Variants in UST observed in about 807,000 individuals in gnomAD.
UST encodes the protein uronyl 2-sulfotransferase, also known as chondroitin sulfate 2-O-sulfotransferase.
UST carries 21 observed loss-of-function variants against 45.6 expected under a neutral mutation model. The ratio of observed to expected loss-of-function variants is 0.46; its 90% CI spans 0.33 to 0.66. UST has a LOEUF of 0.66. UST is among the 30% of genes least tolerant of loss of function. The probability of loss-of-function intolerance (pLI) is 0.02; values close to 1 mark genes in which losing one functional copy is unlikely to be tolerated. For synonymous variants in UST, 215 were observed against 200.6 expected, an observed-to-expected ratio of 1.07 and a Z score of -0.61; for missense variants, 463 against 512.4, an observed-to-expected ratio of 0.90 and a Z score of 0.93.
intron 2 of UST, among the ~76,000 whole-genome samples, chr6:148,905,840 G>A (rs77134254): frequency 0.045 from 6,894 of 152,250 alleles, 219 homozygotes; most frequent in Non-Finnish European, 0.065. Flanking sequence ...AAACTGCAAA[G>A]CACTTAGAAT....
intron 1 of UST, among the ~76,000 whole-genome samples, chr6:148,806,813 T>A (rs1777158793): frequency 6.6e-6 from 1 of 152,026 alleles, no homozygotes; most frequent in South Asian, 2.1e-4. Context: ...TGCAAGTGCA[T>A]GAGATAGAGA....
At chr6:148,832,774 T>C (rs1351441794) in intron 1 of UST, among the ~76,000 whole-genome samples, 1 of 152,202 alleles carries the variant, frequency 6.6e-6, no homozygotes, top group East Asian at 1.9e-4. Flanking sequence ...TCAGTTTCTA[T>C]TTGGAGCTCG....
intron 1 of UST, among the ~76,000 whole-genome samples, chr6:148,859,779 G>C (rs1270249066): frequency 6.6e-6 from 1 of 152,174 alleles, no homozygotes; most frequent in African/African-American, 2.4e-5. Context: ...GTTTTTGTCA[G>C]GTTTGTCAAA....
intron 2 of UST, among the ~76,000 whole-genome samples, chr6:148,899,369 G>A (rs935444390): frequency 6.6e-6 from 1 of 152,088 alleles, no homozygotes; most frequent in Non-Finnish European, 1.5e-5. Flanking sequence ...AAAGTGCTGG[G>A]ATTACAGGCG....
At chr6:148,856,476 G>A (rs1474984196) in intron 1 of UST, among the ~76,000 whole-genome samples, 3 of 152,158 alleles carry the variant, frequency 2.0e-5, no homozygotes, top group African/African-American at 4.8e-5. Context: ...CCTATTCATC[G>A]GAGACAGCCA....
At position 148,747,239 on chromosome 6, in the gene UST, G is replaced by C; in HGVS notation, c.-192G>C. 1.7e-6 allele frequency: 1 copy of C among 585,756 alleles called. No homozygotes were observed. The highest frequency in any genetic ancestry group is 2.5e-6 in the Non-Finnish European group (1 of 402,020). The allele number at this position is 585,756 out of a possible 1,614,324, so 36.3% of individuals were successfully genotyped here. Reference sequence around the variant, plus strand: ...CCGGGGCCGGACACCTCGGCCGCTCGGGCCGCGGCGGCGGGGACCATGCCG... The same window carrying C: ...CCGGGGCCGGACACCTCGGCCGCTCCGGCCGCGGCGGCGGGGACCATGCCG... On this transcript the variant is annotated 5_prime_UTR_variant, in exon 1 of 8. Coordinates refer to ENST00000367463, the MANE Select transcript of UST (RefSeq NM_005715.3).
chr6:149,042,598 T>A (rs1467837622), intron 7 of UST, among the ~76,000 whole-genome samples: 1 of 152,158 alleles, frequency 6.6e-6, no homozygotes, highest in African/African-American at 2.4e-5. Flanking sequence ...TCATTCATGG[T>A]GGATGTCCAG....
At chr6:148,964,334 A>T (rs998012374) in intron 4 of UST, 76 bp from the exon 5 acceptor site, 2 of 1,549,902 alleles carry the variant, frequency 1.3e-6, no homozygotes, top group Admixed American at 1.7e-5. Context: ...CCTAGAGGGA[A>T]GGGGAGATGT....
chr6:148,794,607 C>A (rs907770774), intron 1 of UST, among the ~76,000 whole-genome samples: 1 of 152,164 alleles, frequency 6.6e-6, no homozygotes, highest in African/African-American at 2.4e-5. Flanking sequence ...GACCAGCAAT[C>A]CCTACTGCCA....
intron 6 of UST, among the ~76,000 whole-genome samples, chr6:149,020,564 A>C (rs1325057411): frequency 6.6e-6 from 1 of 152,244 alleles, no homozygotes; most frequent in Admixed American, 6.5e-5. Context: ...TAACTCTTTC[A>C]TCATATCACC....
chr6:148,915,572 G>T (rs1779572703), intron 2 of UST, among the ~76,000 whole-genome samples: 1 of 152,194 alleles, frequency 6.6e-6, no homozygotes, highest in Non-Finnish European at 1.5e-5. Context: ...TTCCCACTGT[G>T]GGAAGCTGTC....
chr6:148,888,817 G>GAAC (rs1168999957), intron 2 of UST, among the ~76,000 whole-genome samples: 2 of 152,118 alleles, frequency 1.3e-5, no homozygotes, highest in East Asian at 3.9e-4. Context: ...AACAAAACAA[G>GAAC]AACAACAACA....
chr6:148,817,836 G>C (rs1463512842), intron 1 of UST, among the ~76,000 whole-genome samples: 4 of 152,126 alleles, frequency 2.6e-5, no homozygotes, highest in Non-Finnish European at 5.9e-5. Flanking sequence ...ACCAGTCTCA[G>C]GTTAAATTTT....
At chr6:148,998,816 A>G (rs1371968989) in intron 5 of UST, among the ~76,000 whole-genome samples, 3 of 152,250 alleles carry the variant, frequency 2.0e-5, no homozygotes, top group Non-Finnish European at 2.9e-5. Flanking sequence ...GGCTGCTGCC[A>G]TGTATGTGCT....
Position 148,748,475 on chromosome 6 carries a change from C to T in UST, c.247+798C>T, listed in dbSNP as rs1562555388. Reference sequence around the variant, plus strand: ...TGTGGTTTATTAGGAGAGAGGCCGCCTGTCTTTAGCAGAAGTAAGGAAGGG... The same window carrying T: ...TGTGGTTTATTAGGAGAGAGGCCGCTTGTCTTTAGCAGAAGTAAGGAAGGG... On this transcript the variant is annotated intron_variant, in intron 1 of 7. Transcript: ENST00000367463. This position sits in a 1 kb window ranked among gnomAD's most constrained non-coding sequence, Gnocchi z 5.3. Among the ~76,000 whole-genome samples the T allele has an allele frequency of 1.3e-5, 2 of 149,010 alleles. No homozygotes were observed. The highest frequency in any genetic ancestry group is 6.7e-5 in the Admixed American group (1 of 14,956).
At position 148,798,938 on chromosome 6, in the gene UST, C is replaced by T. The variant is rs373004212; in HGVS notation, c.247+51261C>T. Reference sequence around the variant, plus strand: ...AGGCTGGAGTGCAGTGGTGCGAGCTCGGCTCGCTGCAACCTCTGCCTCTCG... The same window carrying T: ...AGGCTGGAGTGCAGTGGTGCGAGCTTGGCTCGCTGCAACCTCTGCCTCTCG... On this transcript the variant is annotated intron_variant, in intron 1 of 7. Coordinates refer to ENST00000367463, the MANE Select transcript of UST (RefSeq NM_005715.3). 3.0e-4 allele frequency among the ~76,000 whole-genome samples: 45 copies of T among 152,084 alleles called. 1 individual carries two copies. In the East Asian group the frequency reaches 4.3e-3, roughly 14 times the overall value.
intron 2 of UST, among the ~76,000 whole-genome samples, chr6:148,930,026 G>A (rs981825063): frequency 6.6e-6 from 1 of 152,132 alleles, no homozygotes; most frequent in Non-Finnish European, 1.5e-5. Context: ...GGTGTACTTT[G>A]CAAAGGGAAA....
intron 2 of UST, among the ~76,000 whole-genome samples, chr6:148,904,530 T>A (rs1779321500): frequency 6.6e-6 from 1 of 152,096 alleles, no homozygotes; most frequent in South Asian, 2.1e-4. Context: ...AATTTAGTAA[T>A]GCTTTTCTTT....
At chr6:148,949,002 T>C (rs1359914217) in intron 3 of UST, among the ~76,000 whole-genome samples, 1 of 152,108 alleles carries the variant, frequency 6.6e-6, no homozygotes, top group East Asian at 1.9e-4. Context: ...TAATAATACT[T>C]ATCCATGGCT....
Sources: gnomAD v4.1 joint callset for allele counts (sites outside exome capture counted in the v4.1 genomes callset) on GRCh38, gnomAD v4.1.1 for gene constraint, Gnocchi (gnomAD v3.1) non-coding constraint, MANE v1.5 for transcripts, NCBI Gene and HGNC (gene_info 2026-07-23, HGNC 2026-07-21) for gene names.